Variants in GRXCR1 observed in about 807,000 individuals in gnomAD.
The protein encoded by GRXCR1 is glutaredoxin and cysteine rich domain containing 1.
In GRXCR1, 27 loss-of-function variants were observed where a neutral mutation model predicts 27.3. That is an observed-to-expected ratio of 0.99 (90% confidence interval 0.73 to 1.37). GRXCR1 has a LOEUF of 1.37. Ranked by LOEUF, GRXCR1 falls within the 40% of genes most tolerant of loss-of-function variation. GRXCR1 has a pLI of 0.00. For missense variants in GRXCR1, 379 were observed against 354.4 expected (o/e 1.07, Z -0.56); for synonymous variants, 122 against 131.1 (o/e 0.93, Z 0.47).
intron 2 of GRXCR1, among the ~76,000 whole-genome samples, chr4:43,010,862 A>G (rs568592789): frequency 2.6e-5 from 4 of 152,350 alleles, no homozygotes; most frequent in Non-Finnish European, 4.4e-5. Flanking sequence ...TGTGCCAGGC[A>G]CTATGCTAAA....
chr4:42,957,285 T>C (rs1250295436), intron 1 of GRXCR1, among the ~76,000 whole-genome samples: 2 of 152,106 alleles, frequency 1.3e-5, no homozygotes, highest in Non-Finnish European at 2.9e-5. Flanking sequence ...TGTAATTCTA[T>C]ATTTATGTGA....
At chr4:42,990,408 G>A (rs1162815763) in intron 2 of GRXCR1, among the ~76,000 whole-genome samples, 1 of 151,070 alleles carries the variant, frequency 6.6e-6, no homozygotes, top group African/African-American at 2.4e-5. Context: ...AGCCGGGATG[G>A]TCTCGATCTC....
At chr4:42,991,783 G>C (rs145482701) in intron 2 of GRXCR1, among the ~76,000 whole-genome samples, 2 of 152,104 alleles carry the variant, frequency 1.3e-5, no homozygotes, top group African/African-American at 4.8e-5. Flanking sequence ...CAGTTAAAAA[G>C]TAAGTTTTTT....
intron 2 of GRXCR1, among the ~76,000 whole-genome samples, chr4:43,000,299 G>A (rs900102728): frequency 1.3e-5 from 2 of 151,934 alleles, no homozygotes; most frequent in Non-Finnish European, 2.9e-5. Flanking sequence ...CCAACATGGT[G>A]AAACTGTCTC....
At chr4:42,961,292 A>G (rs1748125753) in intron 1 of GRXCR1, among the ~76,000 whole-genome samples, 2 of 152,072 alleles carry the variant, frequency 1.3e-5, no homozygotes, top group South Asian at 4.1e-4. Context: ...GCTATTGTCA[A>G]TAGTGCTGCT....
At chr4:42,974,940 C>T (rs948342651) in intron 2 of GRXCR1, among the ~76,000 whole-genome samples, 6 of 152,088 alleles carry the variant, frequency 3.9e-5, no homozygotes, top group African/African-American at 1.4e-4. Flanking sequence ...CTTATTGCCA[C>T]AAGTCTGTTC....
At chr4:42,966,046 G>GA (rs113913833) in intron 2 of GRXCR1, among the ~76,000 whole-genome samples, 9,069 of 150,892 alleles carry the variant, frequency 0.06, 533 homozygotes, top group African/African-American at 0.15. Context: ...AACAGTCAAG[G>GA]AAAAAAAAAT....
intron 1 of GRXCR1, among the ~76,000 whole-genome samples, chr4:42,909,636 G>T (rs1746672999): frequency 1.3e-5 from 2 of 152,094 alleles, no homozygotes; most frequent in Admixed American, 1.3e-4. Context: ...CTCCTGGTTA[G>T]TAACTTTACG....
At chr4:42,905,714 T>C (rs1256624925) in intron 1 of GRXCR1, among the ~76,000 whole-genome samples, 2 of 152,208 alleles carry the variant, frequency 1.3e-5, no homozygotes, top group African/African-American at 4.8e-5. Flanking sequence ...CTTACAGGTG[T>C]GCCTCTTTTA....
At chr4:42,991,473 C>T (rs1011618854) in intron 2 of GRXCR1, among the ~76,000 whole-genome samples, 8 of 147,818 alleles carry the variant, frequency 5.4e-5, no homozygotes, top group South Asian at 4.3e-4. Flanking sequence ...CACACACATA[C>T]ATATATATAT....
At chr4:42,915,346 C>G (rs144130459) in intron 1 of GRXCR1, among the ~76,000 whole-genome samples, 1 of 152,288 alleles carries the variant, frequency 6.6e-6, no homozygotes, top group Non-Finnish European at 1.5e-5. Context: ...ATTGCACCAG[C>G]ATTTTCATTT....
intron 2 of GRXCR1, among the ~76,000 whole-genome samples, chr4:43,010,719 G>A (rs1008878121): frequency 4.6e-5 from 7 of 151,882 alleles, no homozygotes; most frequent in South Asian, 2.1e-4. Flanking sequence ...AAAAGTGATC[G>A]CTTATTTAAA....
chr4:42,959,327 A>G (rs1424656295), intron 1 of GRXCR1, among the ~76,000 whole-genome samples: 1 of 151,974 alleles, frequency 6.6e-6, no homozygotes, highest in Non-Finnish European at 1.5e-5. Flanking sequence ...AGGCAGAGAA[A>G]GAAAAATACT....
At chr4:42,955,193 C>A (rs372111702) in intron 1 of GRXCR1, among the ~76,000 whole-genome samples, 1 of 152,078 alleles carries the variant, frequency 6.6e-6, no homozygotes, top group Non-Finnish European at 1.5e-5. Flanking sequence ...TTGCTTTGAG[C>A]TAATCACTTT....
At chr4:42,920,138 T>C (rs557725604) in intron 1 of GRXCR1, among the ~76,000 whole-genome samples, 30 of 152,118 alleles carry the variant, frequency 2.0e-4, no homozygotes, top group Non-Finnish European at 3.8e-4. Flanking sequence ...ACAGAGTTTA[T>C]TGAAGGACAA....
intron 1 of GRXCR1, among the ~76,000 whole-genome samples, chr4:42,923,366 G>T (rs957449111): frequency 6.6e-6 from 1 of 152,024 alleles, no homozygotes; most frequent in African/African-American, 2.4e-5. Flanking sequence ...TTACATTCTT[G>T]GCTTACAACC....
chr4:42,925,165 C>G (rs550740710), intron 1 of GRXCR1, among the ~76,000 whole-genome samples: 5 of 151,866 alleles, frequency 3.3e-5, no homozygotes, highest in Non-Finnish European at 5.9e-5. Context: ...AGGTACAGCT[C>G]CTGTGATTCT....
Position 42,943,999 on chromosome 4 carries a change from C to G in GRXCR1, c.385-18893C>G, listed in dbSNP as rs1747684569. On this transcript the variant is annotated intron_variant, in intron 1 of 3. Transcript: ENST00000399770. ...GTATTCTAGGTATCAGTGACAAAGA[C>G]AGCAAATAAGATTTGTATCCTAACA... Among the ~76,000 whole-genome samples, 3 of 152,032 alleles carry G rather than the reference C, an allele frequency of 2.0e-5. 1 individual carries two copies. The highest frequency in any genetic ancestry group is 2.0e-4 in the Admixed American group (3 of 15,238).
chr4:42,994,040 T>C (rs956990889), intron 2 of GRXCR1, among the ~76,000 whole-genome samples: 19 of 152,142 alleles, frequency 1.2e-4, no homozygotes, highest in African/African-American at 4.6e-4. Flanking sequence ...AAATGTTTTA[T>C]AGGATCGTAG....
Sources: gnomAD v4.1 joint callset for allele counts (sites outside exome capture counted in the v4.1 genomes callset) on GRCh38, gnomAD v4.1.1 for gene constraint, MANE v1.5 for transcripts, NCBI Gene and HGNC (gene_info 2026-07-23, HGNC 2026-07-21) for gene names.